ZNF473: variants seen among roughly 807,000 people sequenced by gnomAD.
The protein encoded by ZNF473 is zinc finger protein 473, also known as zinc finger protein 100 homolog.
In ZNF473, 4 loss-of-function variants were observed where a neutral mutation model predicts 11.1. The observed-to-expected ratio is 0.36, with a 90% CI of 0.18 to 0.82. The LOEUF (loss-of-function observed/expected upper bound fraction) is 0.82. ZNF473 is among the 40% of genes least tolerant of loss of function. The pLI is 0.49. For synonymous variants in ZNF473, 404 were observed against 390.4 expected (o/e 1.03, Z -0.41); for missense variants, 854 against 1,084.0 (o/e 0.79, Z 2.98).
intron 4 of ZNF473, among the ~76,000 whole-genome samples, chr19:50,042,969 G>A (rs1978859120): frequency 6.6e-6 from 1 of 152,174 alleles, no homozygotes; most frequent in Non-Finnish European, 1.5e-5. Flanking sequence ...CAGGCAGAGA[G>A]ACTTTAAGCA....
chr19:50,037,818 C>T (rs781183935), intron 2 of ZNF473, among the ~76,000 whole-genome samples: 28 of 149,878 alleles, frequency 1.9e-4, no homozygotes, highest in African/African-American at 5.8e-4. Flanking sequence ...CTCTCTCTCT[C>T]GCTCGCTCTC....
At chr19:50,027,932 G>A (rs539415818) in intron 1 of ZNF473, among the ~76,000 whole-genome samples, 3 of 152,196 alleles carry the variant, frequency 2.0e-5, no homozygotes, top group Non-Finnish European at 2.9e-5. Flanking sequence ...CAGGTGATCC[G>A]CCTGCCTTGG....
intron 3 of ZNF473, 162 bp from the exon 4 acceptor site, chr19:50,041,568 G>C (rs1305256113): frequency 5.9e-6 from 3 of 511,412 alleles, no homozygotes; most frequent in Non-Finnish European, 7.0e-6. Flanking sequence ...AACCCTACAG[G>C]ACAGGCATCC....
Position 50,045,435 on chromosome 19 carries a change from G to C in ZNF473, c.992G>C (p.Arg331Pro), listed in dbSNP as rs377382579. ...NCNECGKAFTRIFHLTRHQKI... is the reference protein window; with the variant it reads ...NCNECGKAFTPIFHLTRHQKI... ...AACGAATGCGGCAAGGCTTTTACCC[G>C]GATCTTCCACCTTACTCGGCACCAG... Residue 331 changes from arginine to proline, a missense_variant, in exon 5 of 5, where the codon CGG becomes CCG. By Grantham distance (103) the Arg-to-Pro change is moderately radical. This residue lies in a region of ZNF473 where 668 missense variants were observed against 790.2 expected (regional missense o/e 0.85). Coordinates refer to ENST00000270617, the MANE Select transcript of ZNF473 (RefSeq NM_015428.4). The C allele has an allele frequency of 9.9e-6, 16 of 1,613,844 alleles. No homozygotes were observed. Among genetic ancestry groups the C allele is most frequent in the Non-Finnish European group, 1.2e-5 (14 of 1,179,976 alleles).
chr19:50,041,950 C>T (rs539962465), intron 4 of ZNF473, 131 bp downstream of exon 4: 21 of 679,154 alleles, frequency 3.1e-5, no homozygotes, highest in African/African-American at 2.5e-4. Context: ...CTCTGCTTCT[C>T]GCTGGCTTCC....
intron 4 of ZNF473, chr19:50,043,448 A>AAAAAATATATAT (rs1259545565): frequency 9.3e-6 from 1 of 107,916 alleles, no homozygotes; most frequent in African/African-American, 3.9e-5. Context: ...AAAAAAAAAA[A>AAAAAATATATAT]ATATATATAT....
chr19:50,030,888 G>T lies in ZNF473; in HGVS notation c.-191-4G>T. On this transcript the variant is annotated splice_polypyrimidine_tract_variant and splice_region_variant and intron_variant, in intron 1 of 4. Coordinates refer to ENST00000270617, the MANE Select transcript of ZNF473 (RefSeq NM_015428.4). ...GTAAATATAGTTGTTGTTGTCCCCT[G>T]CAGGGAGACTCACATTGGGACTTGT... The T allele has an allele frequency of 1.4e-6, 1 of 717,146 alleles. No homozygotes were observed. The highest frequency in any genetic ancestry group is 2.4e-6 in the Non-Finnish European group (1 of 414,702). 44.4% of individuals were successfully genotyped at this position (717,146 alleles called of 1,614,324 possible).
intron 1 of ZNF473, among the ~76,000 whole-genome samples, chr19:50,028,633 A>T (rs1170446625): frequency 1.3e-5 from 2 of 151,582 alleles, no homozygotes. Context: ...CTGGTGGGGG[A>T]GCTTTAAATG....
intron 2 of ZNF473, among the ~76,000 whole-genome samples, chr19:50,038,595 A>G (rs1316154788): frequency 6.6e-6 from 1 of 152,214 alleles, no homozygotes; most frequent in African/African-American, 2.4e-5. Flanking sequence ...GTAGATTTCA[A>G]AACCTCAGAA....
chr19:50,039,252 C>T lies in ZNF473; in HGVS notation c.101C>T (p.Thr34Ile), dbSNP rs1978641556. 2 of 1,614,150 alleles carry T rather than the reference C, an allele frequency of 1.2e-6. No individual in the cohort carries two copies. Among genetic ancestry groups the T allele is most frequent in the Non-Finnish European group, 1.7e-6 (2 of 1,180,000 alleles). ...GLEQGDTFWD[T>I]ALDNCQDLFL... ...GAACAGGGGGACACGTTCTGGGACA[C>T]AGCGTTGGACAATTGCCAGGACCTC... Residue 34 changes from threonine (T) to isoleucine (I), a missense_variant, in exon 3 of 5, where the codon ACA (threonine) becomes ATA (isoleucine). Thr to Ile is a moderately conservative substitution (Grantham distance 89). This residue lies in a region of ZNF473 where 668 missense variants were observed against 790.2 expected (regional missense o/e 0.85). Coordinates refer to ENST00000270617, the MANE Select transcript of ZNF473 (RefSeq NM_015428.4). The surrounding 1 kb of genome is among the most constrained non-coding windows in gnomAD (Gnocchi z 4.8).
In ZNF473 at chr19:50,046,077, T is replaced by C. The variant is rs747195913; in HGVS notation, c.1634T>C (p.Phe545Ser). The C allele has an allele frequency of 1.9e-6, 3 of 1,614,210 alleles. No individual in the cohort carries two copies. Among genetic ancestry groups the C allele is most frequent in the Admixed American group, 1.7e-5 (1 of 60,024 alleles). The change falls in exon 5 of 5, where the codon TTT becomes TCT. Residue 545 changes from phenylalanine (F) to serine (S), a missense_variant. This residue lies in a region of ZNF473 where 668 missense variants were observed against 790.2 expected (regional missense o/e 0.85). Coordinates refer to ENST00000270617, the MANE Select transcript of ZNF473 (RefSeq NM_015428.4). This position sits in a 1 kb window ranked among gnomAD's most constrained non-coding sequence, Gnocchi z 5.9. ...CACGCCAGAGAAAAACAAGGATTTT[T>C]TGTGAGTGGGAAGATCTTGGATCAG... The part of the protein sequence containing the change: ...SVHAREKQGF[F>S]VSGKILDQNP...
Position 50,044,875 on chromosome 19 carries a change from C to T in ZNF473, c.432C>T (p.Pro144=). The change falls in exon 5 of 5, where the codon CCC becomes CCT. Residue 144 remains proline, a synonymous_variant. Coordinates refer to ENST00000270617, the MANE Select transcript of ZNF473 (RefSeq NM_015428.4). ...RSDIATNGES[P]TECKSHELKR... ...ATATTGCCACCAACGGGGAAAGTCC[C>T]ACGGAATGCAAGAGTCATGAATTAA... 1 of 1,614,188 alleles carries T rather than the reference C, an allele frequency of 6.2e-7. No individual in the cohort carries two copies. The highest frequency in any genetic ancestry group is 8.5e-7 in the Non-Finnish European group (1 of 1,180,038).
intron 2 of ZNF473, among the ~76,000 whole-genome samples, chr19:50,037,024 A>G (rs1978486196): frequency 6.6e-6 from 1 of 152,208 alleles, no homozygotes; most frequent in Non-Finnish European, 1.5e-5. Context: ...CAGGCAGTTC[A>G]GTGACTCACT....
intron 2 of ZNF473, among the ~76,000 whole-genome samples, chr19:50,037,106 G>A (rs1400062327): frequency 6.6e-6 from 1 of 152,186 alleles, no homozygotes; most frequent in Non-Finnish European, 1.5e-5. Context: ...GCAGTCAGAT[G>A]CCTGGAGGGT....
At chr19:50,036,300 T>G (rs1431726227) in intron 2 of ZNF473, among the ~76,000 whole-genome samples, 1 of 148,388 alleles carries the variant, frequency 6.7e-6, no homozygotes, top group African/African-American at 2.5e-5. Flanking sequence ...TGTAGCTGTA[T>G]TAAGAGGTGG....
Position 50,045,164 on chromosome 19 carries a change from G to C in ZNF473, c.721G>C (p.Glu241Gln), listed in dbSNP as rs772683913. 2.5e-6 allele frequency: 4 copies of C among 1,614,206 alleles called. No individual in the cohort carries two copies. The South Asian group carries it at 4.4e-5, about 18-fold the overall frequency. Reference protein sequence around the residue: ...HTREKPTVHQECEQGFDRNAS... With the variant: ...HTREKPTVHQQCEQGFDRNAS... Reference sequence around the variant, plus strand: ...TAGGGAGAAACCCACTGTCCATCAAGAGTGTGAGCAAGGTTTTGACCGGAA... The same window carrying C: ...TAGGGAGAAACCCACTGTCCATCAACAGTGTGAGCAAGGTTTTGACCGGAA... Residue 241 changes from glutamate (E) to glutamine (Q), a missense_variant, in exon 5 of 5, where the codon GAG becomes CAG. This residue lies in a region of ZNF473 where 668 missense variants were observed against 790.2 expected (regional missense o/e 0.85). Coordinates refer to ENST00000270617, the MANE Select transcript of ZNF473 (RefSeq NM_015428.4).
At chr19:50,031,152 C>T (rs1043963789) in intron 2 of ZNF473, 61 bp downstream of exon 2, 8 of 1,551,570 alleles carry the variant, frequency 5.2e-6, no homozygotes, top group Non-Finnish European at 7.0e-6. Flanking sequence ...ATTGGCCTTC[C>T]TTTGTGGCCG....
chr19:50,028,124 C>G, intron 1 of ZNF473, among the ~76,000 whole-genome samples: 1 of 151,960 alleles, frequency 6.6e-6, no homozygotes, highest in Admixed American at 6.5e-5. Flanking sequence ...CGGTGAAACT[C>G]CGTCTCTACT....
chr19:50,037,666 A>G (rs1218605183), intron 2 of ZNF473, among the ~76,000 whole-genome samples: 1 of 151,798 alleles, frequency 6.6e-6, no homozygotes, highest in Non-Finnish European at 1.5e-5. Context: ...ACCAAAAAAA[A>G]AAAAAATTAG....
Sources: gnomAD v4.1 joint callset for allele counts (sites outside exome capture counted in the v4.1 genomes callset) on GRCh38, gnomAD v4.1.1 for gene constraint, gnomAD v4.1.1 regional missense constraint, Gnocchi (gnomAD v3.1) non-coding constraint, MANE v1.5 for transcripts, NCBI Gene and HGNC (gene_info 2026-07-23, HGNC 2026-07-21) for gene names.